The following DCDC1 variants were observed in gnomAD, a reference collection of about 807,000 sequenced individuals.
DCDC1 encodes the protein doublecortin domain containing 1.
A neutral mutation model predicts 178.3 loss-of-function variants in DCDC1; 200 were observed. The observed-to-expected ratio is 1.12, with a 90% CI of 1.00 to 1.26. The LOEUF (loss-of-function observed/expected upper bound fraction) is 1.26, where lower values mean the gene tolerates loss of function less well. Among genes scored for constraint, DCDC1 ranks in the 50% most tolerant of loss-of-function variants. DCDC1 has a pLI of 0.00. For missense variants in DCDC1, 1,983 were observed against 1,749.2 expected (o/e 1.13, Z -2.38); for synonymous variants, 690 against 604.8 (o/e 1.14, Z -2.07).
chr11:31,298,352 A>AG (rs1461809010), intron 6 of DCDC1, among the ~76,000 whole-genome samples: 1 of 152,186 alleles, frequency 6.6e-6, no homozygotes, highest in Non-Finnish European at 1.5e-5. Flanking sequence ...AATCAGACCT[A>AG]GACCTGTCCC....
intron 17 of DCDC1, among the ~76,000 whole-genome samples, chr11:31,088,268 T>C (rs1422442747): frequency 6.6e-6 from 1 of 152,126 alleles, no homozygotes. Flanking sequence ...AATCTAATAA[T>C]GTCTGATTAT....
chr11:30,992,035 G>A (rs921380321), intron 20 of DCDC1, among the ~76,000 whole-genome samples: 3 of 152,076 alleles, frequency 2.0e-5, no homozygotes. Flanking sequence ...AAAATGGTAC[G>A]CTCCCTGTCT....
At chr11:31,181,410 C>A (rs1968779662) in intron 9 of DCDC1, among the ~76,000 whole-genome samples, 1 of 152,232 alleles carries the variant, frequency 6.6e-6, no homozygotes, top group Admixed American at 6.5e-5. Context: ...ACCCCCATGC[C>A]TCCTGACTGG....
intron 7 of DCDC1, among the ~76,000 whole-genome samples, chr11:31,265,814 A>G (rs967764492): frequency 1.2e-4 from 18 of 150,308 alleles, no homozygotes; most frequent in Non-Finnish European, 2.1e-4. Flanking sequence ...TATTAGTAAA[A>G]AAGAAAGAAA....
chr11:30,975,475 A>T (rs1950050650), intron 20 of DCDC1, among the ~76,000 whole-genome samples: 2 of 152,026 alleles, frequency 1.3e-5, no homozygotes, highest in African/African-American at 4.8e-5. Flanking sequence ...TAAAAAAAAC[A>T]CTAAAGATTC....
chr11:31,125,780 G>A (rs1413305924), intron 11 of DCDC1, among the ~76,000 whole-genome samples: 2 of 152,070 alleles, frequency 1.3e-5, no homozygotes, highest in African/African-American at 2.4e-5. Flanking sequence ...CATCAGGGGC[G>A]GTTGGGTGGG....
chr11:31,049,802 A>T (rs1482321063), intron 20 of DCDC1, among the ~76,000 whole-genome samples: 1 of 152,180 alleles, frequency 6.6e-6, no homozygotes, highest in East Asian at 1.9e-4. Flanking sequence ...GAGTCAAGTT[A>T]GAGAGCCGAG....
At position 31,202,301 on chromosome 11, in the gene DCDC1, G is replaced by A. The variant is rs561815047; in HGVS notation, c.1221+39149C>T. 7.2e-5 allele frequency among the ~76,000 whole-genome samples: 11 copies of A among 152,104 alleles called. No individual in the cohort carries two copies. In the East Asian group the frequency reaches 1.7e-3, roughly 24 times the overall value. Reference sequence around the variant, plus strand: ...TTTTATGCCAGGCGCAATGGCTCACGCCTGTAATCCCAACACTTTGGGACG... The same window carrying A: ...TTTTATGCCAGGCGCAATGGCTCACACCTGTAATCCCAACACTTTGGGACG... On this transcript the variant is annotated intron_variant, in intron 9 of 38. Transcript: ENST00000684477.
chr11:30,987,175 C>T (rs893100446), intron 20 of DCDC1, among the ~76,000 whole-genome samples: 4 of 152,094 alleles, frequency 2.6e-5, no homozygotes, highest in African/African-American at 9.7e-5. Context: ...CATCATCACA[C>T]CCAGCTAATT....
Position 30,981,552 on chromosome 11 carries a change from A to C in DCDC1, c.2592-28984T>G, listed in dbSNP as rs187913447. On this transcript the variant is annotated intron_variant, in intron 20 of 38. Transcript: ENST00000684477. ...TATATTTAATCTCAAAAGCAGGCAT[A>C]GTTTCTAAGTGTTAGTCAATTTAAA... Among the ~76,000 whole-genome samples the C allele has an allele frequency of 7.9e-5, 12 of 152,298 alleles. No homozygotes were observed. The South Asian group carries it at 8.3e-4, about 11-fold the overall frequency.
intron 11 of DCDC1, among the ~76,000 whole-genome samples, chr11:31,123,032 AC>A (rs1470392204): frequency 2.6e-5 from 4 of 152,090 alleles, no homozygotes; most frequent in Non-Finnish European, 4.4e-5. Flanking sequence ...TAGACAATAC[AC>A]AAACATAAAG....
At chr11:31,339,380 T>TA (rs574203691) in intron 1 of DCDC1, among the ~76,000 whole-genome samples, 32 of 152,336 alleles carry the variant, frequency 2.1e-4, no homozygotes, top group Non-Finnish European at 3.8e-4. Flanking sequence ...GCCTTGATCT[T>TA]AGACATCCTA....
At chr11:31,055,994 T>G (rs1027604136) in intron 20 of DCDC1, among the ~76,000 whole-genome samples, 4 of 152,072 alleles carry the variant, frequency 2.6e-5, no homozygotes, top group African/African-American at 9.7e-5. Context: ...CCTAATAAAT[T>G]ATGGAAATAT....
Position 31,078,251 on chromosome 11 carries a change from TGAGAC to T in DCDC1, c.2238-331_2238-327del, listed in dbSNP as rs1237178494. 3.3e-5 allele frequency among the ~76,000 whole-genome samples: 5 copies of T among 151,902 alleles called. 1 individual carries two copies. In the East Asian group the frequency reaches 9.6e-4, roughly 29 times the overall value. ...TCTGCCTGCAAAAAAAGATCCTCTATGAGACAAAGAAAGAGACTTAATTAAGTATA... is the reference window on the plus strand; with the variant it reads ...TCTGCCTGCAAAAAAAGATCCTCTATAAAGAAAGAGACTTAATTAAGTATA... On this transcript the variant is annotated intron_variant, in intron 17 of 38. Coordinates refer to ENST00000684477, the MANE Select transcript of DCDC1 (RefSeq NM_001387274.1).
intron 20 of DCDC1, among the ~76,000 whole-genome samples, chr11:31,043,294 A>C (rs1954602918): frequency 6.6e-6 from 1 of 152,156 alleles, no homozygotes; most frequent in African/African-American, 2.4e-5. Flanking sequence ...AATTCATGAG[A>C]CTTTTGCTGG....
intron 20 of DCDC1, among the ~76,000 whole-genome samples, chr11:31,039,137 C>A (rs1225657663): frequency 3.3e-5 from 5 of 152,084 alleles, no homozygotes; most frequent in Admixed American, 3.3e-4. Flanking sequence ...ATTTTACCCT[C>A]ATTAAACCAC....
chr11:30,944,394 C>A, intron 21 of DCDC1: 2 of 454,174 alleles, frequency 4.4e-6, no homozygotes, highest in Non-Finnish European at 4.4e-6. Context: ...AAACTTAAAT[C>A]CGGTATAAAA....
chr11:30,952,675 GT>G (rs1461995026), intron 20 of DCDC1, 107 bp from the exon 21 acceptor site: 6 of 435,432 alleles, frequency 1.4e-5, no homozygotes, highest in Middle Eastern at 5.4e-4. Flanking sequence ...CAAAAACTCA[GT>G]TTGAATTAAA....
intron 20 of DCDC1, among the ~76,000 whole-genome samples, chr11:31,062,985 C>T (rs1005233845): frequency 1.5e-5 from 2 of 136,362 alleles, no homozygotes; most frequent in Admixed American, 8.2e-5. Context: ...TGTGATGTTC[C>T]CCTTCCTGTG....
Sources: gnomAD v4.1 joint callset for allele counts (sites outside exome capture counted in the v4.1 genomes callset) on GRCh38, gnomAD v4.1.1 for gene constraint, MANE v1.5 for transcripts, NCBI Gene and HGNC (gene_info 2026-07-23, HGNC 2026-07-21) for gene names.